ST6GALNAC3: variants seen among roughly 807,000 people sequenced by gnomAD.
ST6GALNAC3 encodes ST6 N-acetylgalactosaminide alpha-2,6-sialyltransferase 3.
A neutral mutation model predicts 32.7 loss-of-function variants in ST6GALNAC3; 25 were observed. The observed-to-expected ratio is 0.76, with a 90% CI of 0.56 to 1.07. The LOEUF (loss-of-function observed/expected upper bound fraction) is 1.07. Among genes scored for constraint, ST6GALNAC3 ranks in the 50% least tolerant of loss-of-function variants. ST6GALNAC3 has a pLI of 0.00. For missense variants in ST6GALNAC3, 355 were observed against 382.4 expected (o/e 0.93, Z 0.60); for synonymous variants, 129 against 133.1 (o/e 0.97, Z 0.21).
At chr1:76,615,616 T>G (rs1449208127) in intron 3 of ST6GALNAC3, among the ~76,000 whole-genome samples, 1 of 152,230 alleles carries the variant, frequency 6.6e-6, no homozygotes, top group Non-Finnish European at 1.5e-5. Context: ...GGCATGAAGA[T>G]TTCCTTTTTT....
chr1:76,349,984 A>T (rs983380118), intron 2 of ST6GALNAC3, among the ~76,000 whole-genome samples: 1 of 152,214 alleles, frequency 6.6e-6, no homozygotes, highest in Non-Finnish European at 1.5e-5. Context: ...AGTTTTATAT[A>T]TAGATAGCTT....
At chr1:76,502,569 C>G (rs1661236569) in intron 3 of ST6GALNAC3, among the ~76,000 whole-genome samples, 1 of 152,152 alleles carries the variant, frequency 6.6e-6, no homozygotes, top group Admixed American at 6.5e-5. Flanking sequence ...CTCTGCATGT[C>G]TGTGTCCAGA....
intron 3 of ST6GALNAC3, among the ~76,000 whole-genome samples, chr1:76,451,038 T>C (rs957322195): frequency 1.1e-4 from 16 of 152,240 alleles, no homozygotes; most frequent in African/African-American, 3.1e-4. Context: ...GAAAGGCTCC[T>C]TTTGGGTTCC....
chr1:76,560,761 G>A (rs1665199570), intron 3 of ST6GALNAC3, among the ~76,000 whole-genome samples: 1 of 152,184 alleles, frequency 6.6e-6, no homozygotes, highest in Non-Finnish European at 1.5e-5. Context: ...CAATCACTGT[G>A]GAGAACAGTT....
intron 1 of ST6GALNAC3, among the ~76,000 whole-genome samples, chr1:76,202,684 A>G (rs768203905): frequency 4.6e-5 from 7 of 152,216 alleles, no homozygotes; most frequent in Non-Finnish European, 7.3e-5. Context: ...TGATAAAACC[A>G]TTCAATCTTG....
chr1:76,237,414 C>T (rs1656719694), intron 1 of ST6GALNAC3, among the ~76,000 whole-genome samples: 2 of 152,122 alleles, frequency 1.3e-5, no homozygotes, highest in African/African-American at 4.8e-5. Flanking sequence ...TTACATACGC[C>T]TGGTGTGGAA....
At chr1:76,503,165 T>C (rs1449353299) in intron 3 of ST6GALNAC3, among the ~76,000 whole-genome samples, 1 of 152,188 alleles carries the variant, frequency 6.6e-6, no homozygotes, top group African/African-American at 2.4e-5. Context: ...TGGCCAGCAC[T>C]GTCAGCAAGC....
intron 1 of ST6GALNAC3, among the ~76,000 whole-genome samples, chr1:76,148,339 A>G (rs1408337655): frequency 6.6e-6 from 1 of 152,188 alleles, no homozygotes; most frequent in Non-Finnish European, 1.5e-5. Context: ...TCCCAGTAGG[A>G]GAGAATGTTC....
intron 1 of ST6GALNAC3, among the ~76,000 whole-genome samples, chr1:76,219,261 C>G (rs1655637486): frequency 6.6e-6 from 1 of 152,218 alleles, no homozygotes; most frequent in South Asian, 2.1e-4. Context: ...TCTGCTACCT[C>G]CTTCAAGGTT....
chr1:76,156,893 G>A (rs1651475141), intron 1 of ST6GALNAC3, among the ~76,000 whole-genome samples: 1 of 152,226 alleles, frequency 6.6e-6, no homozygotes, highest in South Asian at 2.1e-4. Flanking sequence ...CACCACGCCC[G>A]GCTAATTTTT....
At chr1:76,616,880 C>T (rs1052699590) in intron 3 of ST6GALNAC3, among the ~76,000 whole-genome samples, 2 of 152,134 alleles carry the variant, frequency 1.3e-5, no homozygotes, top group Non-Finnish European at 2.9e-5. Context: ...TTCAAATAGA[C>T]AGGAAGTGGC....
chr1:76,198,587 G>A (rs1654340345), intron 1 of ST6GALNAC3, among the ~76,000 whole-genome samples: 1 of 152,160 alleles, frequency 6.6e-6, no homozygotes, highest in African/African-American at 2.4e-5. Context: ...AACAGGGTTT[G>A]GTGGCTAATT....
intron 1 of ST6GALNAC3, among the ~76,000 whole-genome samples, chr1:76,228,369 G>C (rs762913711): frequency 5.3e-5 from 8 of 152,150 alleles, no homozygotes; most frequent in Non-Finnish European, 1.0e-4. Context: ...CCACTAATCT[G>C]AGAAGTTTAT....
intron 2 of ST6GALNAC3, among the ~76,000 whole-genome samples, chr1:76,388,705 T>C (rs1232134438): frequency 3.3e-5 from 5 of 152,186 alleles, no homozygotes; most frequent in Non-Finnish European, 7.3e-5. Context: ...GGAAATAGGC[T>C]CCATTTGTTC....
chr1:76,311,558 G>C (rs1225794402), intron 1 of ST6GALNAC3, among the ~76,000 whole-genome samples: 1 of 152,104 alleles, frequency 6.6e-6, no homozygotes, highest in Non-Finnish European at 1.5e-5. Flanking sequence ...ATGTTAGTTT[G>C]CTGAGAGTGA....
intron 3 of ST6GALNAC3, among the ~76,000 whole-genome samples, chr1:76,473,920 C>G (rs1464529745): frequency 6.6e-6 from 1 of 151,886 alleles, no homozygotes; most frequent in Non-Finnish European, 1.5e-5. Flanking sequence ...TCATTTTTGC[C>G]ATGTTAGAAT....
intron 3 of ST6GALNAC3, among the ~76,000 whole-genome samples, chr1:76,559,959 G>C (rs1435206634): frequency 2.0e-5 from 3 of 152,056 alleles, no homozygotes; most frequent in Non-Finnish European, 4.4e-5. Flanking sequence ...CCTAAAAGCA[G>C]CAAGGGAAAA....
chr1:76,358,447 C>T (rs1649668220), intron 2 of ST6GALNAC3, among the ~76,000 whole-genome samples: 1 of 152,256 alleles, frequency 6.6e-6, no homozygotes, highest in South Asian at 2.1e-4. Flanking sequence ...TTGACAGCTT[C>T]TTCTCCCTTA....
At chr1:76,495,860 T>G (rs1158245091) in intron 3 of ST6GALNAC3, among the ~76,000 whole-genome samples, 1 of 152,158 alleles carries the variant, frequency 6.6e-6, no homozygotes, top group Non-Finnish European at 1.5e-5. Flanking sequence ...TTTTGTTACT[T>G]GAGGAATCTT....
Sources: gnomAD v4.1 joint callset for allele counts (sites outside exome capture counted in the v4.1 genomes callset) on GRCh38, gnomAD v4.1.1 for gene constraint, MANE v1.5 for transcripts, NCBI Gene and HGNC (gene_info 2026-07-23, HGNC 2026-07-21) for gene names.